Variants in RTN4 observed in about 807,000 individuals in gnomAD.
RTN4 encodes reticulon-4.
In RTN4, 32 loss-of-function variants were observed where a neutral mutation model predicts 90.4. That is an observed-to-expected ratio of 0.35 (90% confidence interval 0.27 to 0.48). The LOEUF (loss-of-function observed/expected upper bound fraction) is 0.48. Ranked by LOEUF, RTN4 falls within the 20% of genes least tolerant of loss-of-function variation. The pLI is 0.99. For missense variants in RTN4, 1,706 were observed against 1,430.2 expected (o/e 1.19, Z -3.11); for synonymous variants, 629 against 552.5 (o/e 1.14, Z -1.94).
upstream of RTN4, among the ~76,000 whole-genome samples, chr2:55,051,945 A>T (rs1247246963): frequency 1.3e-5 from 2 of 152,210 alleles, no homozygotes; most frequent in Non-Finnish European, 2.9e-5. Flanking sequence ...GCTAGTCTAG[A>T]TTAATAATTA....
the RTN4 span, among the ~76,000 whole-genome samples, chr2:55,137,259 G>A: frequency 6.6e-6 from 1 of 152,178 alleles, no homozygotes; most frequent in African/African-American, 2.4e-5. Context: ...TGGAGACTAA[G>A]AGCAAAGAGG....
chr2:55,081,698 C>T (rs781286146), intron 1 of RTN4, among the ~76,000 whole-genome samples: 37 of 152,000 alleles, frequency 2.4e-4, no homozygotes, highest in Non-Finnish European at 5.0e-4. Context: ...CCTCATCTCT[C>T]AAAAATTTTT....
chr2:55,035,925 C>T (rs909186092), intron 1 of RTN4, among the ~76,000 whole-genome samples: 17 of 152,026 alleles, frequency 1.1e-4, no homozygotes, highest in Admixed American at 1.0e-3. Context: ...CCTTGAAAGA[C>T]ACAAATCACC....
the RTN4 span, among the ~76,000 whole-genome samples, chr2:55,128,543 A>T: frequency 6.6e-6 from 1 of 152,096 alleles, no homozygotes; most frequent in East Asian, 1.9e-4. Context: ...GTCCCAACTC[A>T]CTGCAACCTA....
At chr2:55,063,716 A>G (rs1573492077) in intron 2 of RTN4, among the ~76,000 whole-genome samples, 1 of 151,694 alleles carries the variant, frequency 6.6e-6, no homozygotes, top group East Asian at 1.9e-4. Flanking sequence ...CCCCGTCTCC[A>G]CTGAAAATAC....
chr2:55,119,046 C>T, the RTN4 span, among the ~76,000 whole-genome samples: 1 of 152,116 alleles, frequency 6.6e-6, no homozygotes, highest in Admixed American at 6.5e-5. Flanking sequence ...TGCCTGGGGC[C>T]CCTTCCTGAG....
At chr2:54,973,326 A>G (rs1284751149) in intron 8 of RTN4, 128 bp from the exon 9 acceptor site, 1 of 971,996 alleles carries the variant, frequency 1.0e-6, no homozygotes, top group Non-Finnish European at 1.5e-6. Context: ...GCCTAATTCT[A>G]AGCTATAATT....
chr2:55,130,511 G>A, the RTN4 span, among the ~76,000 whole-genome samples: 1 of 152,270 alleles, frequency 6.6e-6, no homozygotes, highest in Admixed American at 6.5e-5. Flanking sequence ...GCACTTTGGG[G>A]AGGGTGATGT....
chr2:54,974,591 TC>T, intron 6 of RTN4, 103 bp downstream of exon 6: 1 of 1,005,712 alleles, frequency 9.9e-7, no homozygotes, highest in Non-Finnish European at 1.6e-6. Context: ...CACATTTTCA[TC>T]CCCTACTTTT....
At chr2:54,987,777 G>T in intron 3 of RTN4, 79 bp from the exon 4 acceptor site, 2 of 1,075,802 alleles carry the variant, frequency 1.9e-6, no homozygotes, top group Non-Finnish European at 2.8e-6. Flanking sequence ...AAACAAAAAC[G>T]CTACTACATA....
intron 3 of RTN4, among the ~76,000 whole-genome samples, chr2:54,988,510 C>G (rs1041642856): frequency 2.6e-5 from 4 of 152,036 alleles, no homozygotes; most frequent in African/African-American, 9.7e-5. Context: ...TATGAATGAG[C>G]TTTTTTTCTT....
At chr2:55,000,664 T>C (rs1395234146) in intron 3 of RTN4, among the ~76,000 whole-genome samples, 1 of 152,206 alleles carries the variant, frequency 6.6e-6, no homozygotes, top group African/African-American at 2.4e-5. Context: ...AATGTAAACA[T>C]ATTGTTAAAT....
At chr2:55,019,749 G>C (rs1163104160) in intron 3 of RTN4, among the ~76,000 whole-genome samples, 1 of 152,044 alleles carries the variant, frequency 6.6e-6, no homozygotes, top group Non-Finnish European at 1.5e-5. Flanking sequence ...GAGAAATAAA[G>C]GATATCCAAA....
chr2:55,051,820 T>G (rs1366319265), upstream of RTN4, among the ~76,000 whole-genome samples: 1 of 152,230 alleles, frequency 6.6e-6, no homozygotes, highest in Admixed American at 6.5e-5. Context: ...ATTGATATTT[T>G]GGATATATTG....
At chr2:54,995,134 G>C (rs996798095) in intron 3 of RTN4, among the ~76,000 whole-genome samples, 5 of 151,922 alleles carry the variant, frequency 3.3e-5, no homozygotes, top group Non-Finnish European at 7.4e-5. Context: ...CAGCTACTCG[G>C]GAGGCTGAGG....
At chr2:55,014,587 G>C (rs1347195222) in intron 3 of RTN4, 1 of 150,686 alleles carries the variant, frequency 6.6e-6, no homozygotes, top group Non-Finnish European at 1.5e-5. Flanking sequence ...GCACGATCTT[G>C]GCTCACTGCA....
At chr2:55,118,066 C>T in the RTN4 span, among the ~76,000 whole-genome samples, 1 of 152,166 alleles carries the variant, frequency 6.6e-6, no homozygotes, top group African/African-American at 2.4e-5. Flanking sequence ...AGCAACCCCA[C>T]CCCTGAGAAG....
chr2:55,050,012 C>A lies in RTN4; in HGVS notation c.289G>T (p.Ala97Ser). ...PPAPRGPLPA[A>S]PPVAPERQPS... ...TGCCGCTCCGGGGCGACGGGGGGAGCGGCCGGCAGGGGTCCCCGGGGCGCC... is the reference window on the plus strand; with the variant it reads ...TGCCGCTCCGGGGCGACGGGGGGAGAGGCCGGCAGGGGTCCCCGGGGCGCC... The change falls in exon 1 of 9, where the codon GCT (alanine) becomes TCT (serine). Residue 97 changes from alanine (A) to serine (S), a missense_variant. By Grantham distance (99) the Ala-to-Ser change is moderately conservative (BLOSUM62 1). Transcript: ENST00000337526. The surrounding 1 kb of genome is among the most constrained non-coding windows in gnomAD (Gnocchi z 4.6). 1 of 1,379,744 alleles carries A rather than the reference C, an allele frequency of 7.2e-7. No homozygotes were observed. Among genetic ancestry groups the A allele is most frequent in the Middle Eastern group, 2.4e-4 (1 of 4,166 alleles). The allele number at this position is 1,379,744 out of a possible 1,614,324, so 85.5% of individuals were successfully genotyped here. A position where few individuals can be genotyped will look rare whatever the true frequency, so the allele number is the denominator to read the frequency against.
intron 3 of RTN4, among the ~76,000 whole-genome samples, 191 bp downstream of exon 3, chr2:55,024,895 T>C (rs1330727431): frequency 6.6e-6 from 1 of 152,184 alleles, no homozygotes; most frequent in African/African-American, 2.4e-5. Context: ...TGTGGAAAAG[T>C]TAAGGGTGAA....
Sources: gnomAD v4.1 joint callset for allele counts (sites outside exome capture counted in the v4.1 genomes callset) on GRCh38, gnomAD v4.1.1 for gene constraint, Gnocchi (gnomAD v3.1) non-coding constraint, MANE v1.5 for transcripts, NCBI Gene and HGNC (gene_info 2026-07-23, HGNC 2026-07-21) for gene names.